The following SEMA3A variants were observed in gnomAD, a reference collection of about 807,000 sequenced individuals.
The protein encoded by SEMA3A is semaphorin-3A.
SEMA3A carries 29 observed loss-of-function variants against 97.9 expected under a neutral mutation model. The observed-to-expected ratio is 0.30, with a 90% CI of 0.22 to 0.40. SEMA3A has a LOEUF of 0.40. SEMA3A is among the 10% of genes least tolerant of loss of function. The probability of loss-of-function intolerance (pLI) is 1.00; values close to 1 mark genes in which losing one functional copy is unlikely to be tolerated. For missense variants in SEMA3A, 763 were observed against 951.3 expected (o/e 0.80, Z 2.60); for synonymous variants, 321 against 323.7 (o/e 0.99, Z 0.09).
chr7:84,148,241 T>A (rs549853916), intron 1 of SEMA3A, among the ~76,000 whole-genome samples: 1 of 151,434 alleles, frequency 6.6e-6, no homozygotes, highest in South Asian at 2.1e-4. Flanking sequence ...TTTCTTTTTC[T>A]TTTTTTTTAA....
chr7:84,088,379 G>A (rs747560074), intron 4 of SEMA3A, among the ~76,000 whole-genome samples: 4 of 151,924 alleles, frequency 2.6e-5, no homozygotes, highest in South Asian at 2.1e-4. Context: ...GCTTGAACCC[G>A]AGAGGCAGAG....
At chr7:84,079,521 C>A (rs1794075798) in intron 4 of SEMA3A, among the ~76,000 whole-genome samples, 1 of 151,938 alleles carries the variant, frequency 6.6e-6, no homozygotes, top group Admixed American at 6.6e-5. Flanking sequence ...AAACAAACAA[C>A]CCCATCAAAA....
chr7:84,415,177 C>T lies in SEMA3A; in HGVS notation c.-245-43277G>A, dbSNP rs116211254. ...TTGTTTCAAACAGATAGAAATGATTCGCATCTGTATAAACAGAAATCTACC... is the reference window on the plus strand; with the variant it reads ...TTGTTTCAAACAGATAGAAATGATTTGCATCTGTATAAACAGAAATCTACC... On this transcript the variant is annotated intron_variant, in intron 1 of 3. Transcript: ENST00000424555. Among the ~76,000 whole-genome samples, 347 of 152,098 alleles carry T rather than the reference C, an allele frequency of 2.3e-3. 1 individual carries two copies. Among genetic ancestry groups the T allele is most frequent in the African/African-American group, 7.4e-3 (306 of 41,538 alleles).
At chr7:84,421,555 T>C (rs1804593179) in intron 1 of SEMA3A, among the ~76,000 whole-genome samples, 1 of 152,120 alleles carries the variant, frequency 6.6e-6, no homozygotes, top group Non-Finnish European at 1.5e-5. Flanking sequence ...AATACTATGT[T>C]GAATAGGAGT....
At chr7:84,120,894 A>G (rs1423238561) in intron 3 of SEMA3A, among the ~76,000 whole-genome samples, 2 of 152,190 alleles carry the variant, frequency 1.3e-5, no homozygotes, top group Non-Finnish European at 2.9e-5. Flanking sequence ...AGTGCTAGCT[A>G]GAGTATTAGA....
intron 3 of SEMA3A, among the ~76,000 whole-genome samples, chr7:84,269,134 AT>A (rs1398219205): frequency 6.6e-6 from 1 of 151,530 alleles, no homozygotes; most frequent in Admixed American, 6.6e-5. Flanking sequence ...TATGAGTAGA[AT>A]TTTTTTTCTG....
At chr7:84,417,131 C>A (rs2116267657) in intron 1 of SEMA3A, among the ~76,000 whole-genome samples, 2 of 152,156 alleles carry the variant, frequency 1.3e-5, no homozygotes, top group East Asian at 3.9e-4. Context: ...TCAGAGCAAT[C>A]TTGCTCCAAC....
intron 9 of SEMA3A, among the ~76,000 whole-genome samples, chr7:84,009,995 C>T (rs13241380): frequency 0.36 from 53,273 of 149,022 alleles, 12,050 homozygotes; most frequent in African/African-American, 0.65. Context: ...ATGGTGAAGA[C>T]TTTTGTTTTT....
chr7:83,978,940 G>T (rs1789279922), intron 14 of SEMA3A, among the ~76,000 whole-genome samples: 1 of 151,974 alleles, frequency 6.6e-6, no homozygotes, highest in African/African-American at 2.4e-5. Flanking sequence ...TTGAATTGTA[G>T]GTATACAATA....
chr7:83,987,574 C>T (rs957527000), intron 12 of SEMA3A, among the ~76,000 whole-genome samples: 28 of 152,160 alleles, frequency 1.8e-4, no homozygotes, highest in Non-Finnish European at 4.0e-4. Context: ...CAATTTGGGA[C>T]AGAGATTTTG....
upstream of SEMA3A, among the ~76,000 whole-genome samples, chr7:84,196,387 C>A (rs1387535998): frequency 6.6e-6 from 1 of 152,050 alleles, no homozygotes; most frequent in Non-Finnish European, 1.5e-5. Flanking sequence ...CTCTCTGTCT[C>A]TCCCTCTCTG....
intron 3 of SEMA3A, among the ~76,000 whole-genome samples, chr7:84,229,574 C>A (rs1051861284): frequency 3.3e-5 from 5 of 152,000 alleles, no homozygotes; most frequent in African/African-American, 1.2e-4. Flanking sequence ...AATCTTATGG[C>A]CTCTATAGTT....
chr7:84,371,808 G>A lies in SEMA3A; in HGVS notation c.-169+16C>T, dbSNP rs1294995123. 2.6e-5 allele frequency: 4 copies of A among 151,830 alleles called. No individual in the cohort carries two copies. The East Asian group carries it at 7.7e-4, about 29-fold the overall frequency. The allele number at this position is 151,830 out of a possible 1,614,324, so 9.4% of individuals were successfully genotyped here. A position where few individuals can be genotyped will look rare whatever the true frequency, so the allele number is the denominator to read the frequency against. On this transcript the variant is annotated intron_variant, in intron 2 of 3. Coordinates refer to the SEMA3A transcript ENST00000424555. Reference sequence around the variant, plus strand: ...GTCATATGCCTTTTAAAGATGAAGGGTTTCCTCACACTTACCTGCTAAAGG... The same window carrying A: ...GTCATATGCCTTTTAAAGATGAAGGATTTCCTCACACTTACCTGCTAAAGG...
intron 5 of SEMA3A, among the ~76,000 whole-genome samples, chr7:84,059,341 A>C (rs903737158): frequency 2.0e-5 from 3 of 152,142 alleles, no homozygotes; most frequent in Non-Finnish European, 4.4e-5. Flanking sequence ...TCATGCCACA[A>C]TGGATTTCTT....
rs182368272 is a variant in SEMA3A, at chr7:84,062,587, C to T, written c.454-2029G>A. 3.1e-3 allele frequency among the ~76,000 whole-genome samples: 475 copies of T among 152,292 alleles called. 3 individuals are homozygous for T. The highest frequency in any genetic ancestry group is 0.011 in the African/African-American group (440 of 41,568). ...GCACCACGCGCGAGCCGAAGCAGGG[C>T]GAGGCATTGCCTCACTTGGGAAGCG... On this transcript the variant is annotated intron_variant, in intron 4 of 16. Transcript: ENST00000265362.
chr7:84,316,130 C>CAAAAAAAA (rs202005657), intron 2 of SEMA3A, among the ~76,000 whole-genome samples: 20 of 30,222 alleles, frequency 6.6e-4, no homozygotes, highest in East Asian at 5.2e-3. Context: ...GACTCTATCT[C>CAAAAAAAA]AAAAAAAAAA....
chr7:84,251,184 T>A (rs568166949), intron 3 of SEMA3A, among the ~76,000 whole-genome samples: 2 of 152,250 alleles, frequency 1.3e-5, no homozygotes, highest in Non-Finnish European at 2.9e-5. Context: ...CTTTGTTCTA[T>A]GCGACTGACT....
chr7:84,258,783 T>C (rs1799775084), intron 3 of SEMA3A, among the ~76,000 whole-genome samples: 1 of 152,180 alleles, frequency 6.6e-6, no homozygotes, highest in Non-Finnish European at 1.5e-5. Flanking sequence ...AGCCCAAGAT[T>C]CCTCACTTCT....
chr7:84,135,861 T>C (rs1392011448), intron 1 of SEMA3A, among the ~76,000 whole-genome samples: 1 of 152,232 alleles, frequency 6.6e-6, no homozygotes, highest in Non-Finnish European at 1.5e-5. Flanking sequence ...AATTTTACCA[T>C]CTGACTTCAA....
Sources: allele counts gnomAD v4.1 joint callset (sites outside exome capture counted in the v4.1 genomes callset), GRCh38; gene constraint gnomAD v4.1.1; transcripts MANE v1.5; gene names NCBI Gene and HGNC (gene_info 2026-07-23, HGNC 2026-07-21).